MAP1B: variants seen among roughly 807,000 people sequenced by gnomAD.
The protein encoded by MAP1B is microtubule associated protein 1B, also known as microtubule-associated protein 1B.
In MAP1B, 12 loss-of-function variants were observed where a neutral mutation model predicts 176.1. The ratio of observed to expected loss-of-function variants is 0.07; its 90% CI spans 0.04 to 0.11. The LOEUF (loss-of-function observed/expected upper bound fraction) is 0.11, where lower values mean the gene tolerates loss of function less well. MAP1B is among the 10% of genes least tolerant of loss of function. MAP1B has a pLI of 1.00. For synonymous variants in MAP1B, 1,044 were observed against 1,135.0 expected, an observed-to-expected ratio of 0.92 and a Z score of 1.61; for missense variants, 2,523 against 2,990.5, an observed-to-expected ratio of 0.84 and a Z score of 3.65.
chr5:72,112,740 CACTGCCTCCA>C (rs1038441627), intron 1 of MAP1B, among the ~76,000 whole-genome samples: 1 of 152,226 alleles, frequency 6.6e-6, no homozygotes, highest in Non-Finnish European at 1.5e-5. Context: ...GAATGGGGTT[CACTGCCTCCA>C]ACTGCCTGGA....
At position 72,200,216 on chromosome 5, in the gene MAP1B, G is replaced by A. The variant is rs543030468; in HGVS notation, c.6861G>A (p.Val2287=). Residue 2287 remains valine, a synonymous_variant, in exon 5 of 7, where the codon GTG becomes GTA. Transcript: ENST00000296755. The part of the protein sequence containing the change: ...LKESSDKVSR[V]ASPKKKESVE... ...AATCCTCGGATAAAGTGTCCAGGGT[G>A]GCTTCTCCTAAGAAGAAAGAATCTG... 6.2e-7 allele frequency: 1 copy of A among 1,614,202 alleles called. No individual in the cohort carries two copies. The highest frequency in any genetic ancestry group is 2.2e-5 in the East Asian group (1 of 44,890).
At chr5:72,114,227 G>T (rs55801048) in intron 1 of MAP1B, among the ~76,000 whole-genome samples, 1 of 151,036 alleles carries the variant, frequency 6.6e-6, no homozygotes, top group African/African-American at 2.4e-5. Flanking sequence ...TTTTTTTTTT[G>T]TAATGTCTAT....
chr5:72,122,447 C>G (rs560656301), intron 2 of MAP1B, among the ~76,000 whole-genome samples: 2 of 152,262 alleles, frequency 1.3e-5, no homozygotes, highest in East Asian at 3.9e-4. Flanking sequence ...AGCTTTACAT[C>G]TTGGTCAACT....
chr5:72,149,844 AT>A (rs1394999824), intron 2 of MAP1B, among the ~76,000 whole-genome samples: 1 of 152,206 alleles, frequency 6.6e-6, no homozygotes, highest in African/African-American at 2.4e-5. Context: ...AGAAATAAGA[AT>A]TTAAGTGTAT....
chr5:72,196,022 C>A lies in MAP1B; in HGVS notation c.2667C>A (p.Ala889=), dbSNP rs571772065. Residue 889 remains alanine (A), a synonymous_variant, in exon 5 of 7, where the codon GCC becomes GCA. Transcript: ENST00000296755. The surrounding 1 kb of genome is among the most constrained non-coding windows in gnomAD (Gnocchi z 5.3). ...AGAGAGAAGTCACCAAAGGTCCTGC[C>A]GAGTCCCCTGATGAGGGAATCACTA... The part of the protein sequence containing the change: ...QKEREVTKGP[A]ESPDEGITTT... The A allele has an allele frequency of 1.2e-6, 2 of 1,614,066 alleles. No individual in the cohort carries two copies. Among genetic ancestry groups the A allele is most frequent in the African/African-American group, 2.7e-5 (2 of 74,928 alleles).
intron 2 of MAP1B, among the ~76,000 whole-genome samples, chr5:72,141,350 C>T (rs535057809): frequency 6.6e-6 from 1 of 152,332 alleles, no homozygotes; most frequent in East Asian, 1.9e-4. Context: ...ATAGTAGCTA[C>T]AAGTCTTTAA....
chr5:72,136,243 C>T (rs2112147842), intron 2 of MAP1B, among the ~76,000 whole-genome samples: 1 of 152,232 alleles, frequency 6.6e-6, no homozygotes, highest in South Asian at 2.1e-4. Context: ...CTATTCCCAC[C>T]CCCAGCACTC....
chr5:72,130,704 G>A (rs113297343), intron 2 of MAP1B, among the ~76,000 whole-genome samples: 2,229 of 152,282 alleles, frequency 0.015, 61 homozygotes, highest in African/African-American at 0.051. Context: ...GGAACCGGGG[G>A]CAGAAAATCT....
intron 2 of MAP1B, among the ~76,000 whole-genome samples, chr5:72,182,453 C>T (rs373266291): frequency 6.6e-6 from 1 of 152,120 alleles, no homozygotes; most frequent in Non-Finnish European, 1.5e-5. Context: ...TATTGATATA[C>T]CACATTTTAC....
intron 2 of MAP1B, among the ~76,000 whole-genome samples, chr5:72,150,812 T>C (rs945945818): frequency 1.3e-4 from 20 of 152,186 alleles, no homozygotes; most frequent in African/African-American, 4.8e-4. Flanking sequence ...TCCATCCATG[T>C]CCCTGCAAAG....
In MAP1B at chr5:72,202,465, T is replaced by G. The variant is rs900606867; in HGVS notation, c.7013-1098T>G. ...CTCTCTAAAAATAAAACTGTACAGT[T>G]GATAGAATTAGCTGGTGGTTTTCAA... On this transcript the variant is annotated intron_variant, in intron 5 of 6. Coordinates refer to ENST00000296755, the MANE Select transcript of MAP1B (RefSeq NM_005909.5). Among the ~76,000 whole-genome samples, 11 of 152,366 alleles carry G rather than the reference T, an allele frequency of 7.2e-5. No homozygotes were observed. The South Asian group carries it at 2.3e-3, about 32-fold the overall frequency.
At chr5:72,176,317 T>G (rs1258980815) in intron 2 of MAP1B, among the ~76,000 whole-genome samples, 2 of 152,210 alleles carry the variant, frequency 1.3e-5, no homozygotes, top group African/African-American at 4.8e-5. Flanking sequence ...CATCACAGCT[T>G]GAAAATCTTT....
chr5:72,137,270 T>G (rs767137884), intron 2 of MAP1B, among the ~76,000 whole-genome samples: 8 of 152,220 alleles, frequency 5.3e-5, no homozygotes, highest in Non-Finnish European at 1.0e-4. Context: ...TTGGCCCTAT[T>G]GCTATAGTCA....
At chr5:72,173,895 A>G (rs182023811) in intron 2 of MAP1B, among the ~76,000 whole-genome samples, 1 of 152,318 alleles carries the variant, frequency 6.6e-6, no homozygotes, top group Admixed American at 6.5e-5. Context: ...TGGGAGGCCA[A>G]GGCAGGAGGA....
At chr5:72,126,977 G>A (rs914621993) in intron 2 of MAP1B, among the ~76,000 whole-genome samples, 1 of 152,192 alleles carries the variant, frequency 6.6e-6, no homozygotes. Flanking sequence ...GTGCCAAATA[G>A]GAAATAGCTA....
At chr5:72,162,539 C>T (rs1460189925) in intron 2 of MAP1B, among the ~76,000 whole-genome samples, 1 of 152,090 alleles carries the variant, frequency 6.6e-6, no homozygotes, top group African/African-American at 2.4e-5. Context: ...AAGCTTACTA[C>T]CTGCTCCCTG....
intron 2 of MAP1B, among the ~76,000 whole-genome samples, chr5:72,169,151 G>A (rs746441259): frequency 2.0e-5 from 3 of 152,112 alleles, no homozygotes; most frequent in East Asian, 1.9e-4. Flanking sequence ...GAAATCTAAC[G>A]ATGCCTCATT....
chr5:72,144,632 C>T (rs1365417609), intron 2 of MAP1B, among the ~76,000 whole-genome samples: 1 of 152,060 alleles, frequency 6.6e-6, no homozygotes, highest in Non-Finnish European at 1.5e-5. Flanking sequence ...TAGCCTCAAG[C>T]GATCCCCCCA....
At chr5:72,171,372 G>A (rs112773192) in intron 2 of MAP1B, among the ~76,000 whole-genome samples, 4,787 of 152,152 alleles carry the variant, frequency 0.031, 126 homozygotes, top group African/African-American at 0.061. Context: ...AGGATCACTT[G>A]AGCCCAAGAG....
Sources: allele counts gnomAD v4.1 joint callset (sites outside exome capture counted in the v4.1 genomes callset), GRCh38; gene constraint gnomAD v4.1.1; non-coding constraint Gnocchi (gnomAD v3.1); transcripts MANE v1.5; gene names NCBI Gene and HGNC (gene_info 2026-07-23, HGNC 2026-07-21).